The following PSMC2 variants were observed in gnomAD, a reference collection of about 807,000 sequenced individuals.
PSMC2 encodes proteasome 26S subunit, ATPase 2.
Under a neutral mutation model 53.3 loss-of-function variants are expected in PSMC2, and 7 were observed. The observed-to-expected ratio is 0.13, with a 90% CI of 0.07 to 0.25. The LOEUF (loss-of-function observed/expected upper bound fraction) is 0.25, where lower values mean the gene tolerates loss of function less well. Ranked by LOEUF, PSMC2 falls within the 10% of genes least tolerant of loss-of-function variation. The probability of loss-of-function intolerance (pLI) is 1.00; values close to 1 mark genes in which losing one functional copy is unlikely to be tolerated. For missense variants in PSMC2, 241 were observed against 544.0 expected (o/e 0.44, Z 5.54); for synonymous variants, 169 against 183.9 (o/e 0.92, Z 0.66).
chr7:103,352,322 A>G (rs1354968173), intron 1 of PSMC2, among the ~76,000 whole-genome samples: 1 of 149,536 alleles, frequency 6.7e-6, no homozygotes, highest in African/African-American at 2.4e-5. Context: ...TATATTCTAT[A>G]AAGTTGCTGT....
Position 103,368,206 on chromosome 7 carries a change from G to T in PSMC2, c.*152G>T. ...AATATAATAAAAGGTGATTTCTAATGTTATTAGGCAGAAAAGCTTGTTAGA... is the reference window on the plus strand; with the variant it reads ...AATATAATAAAAGGTGATTTCTAATTTTATTAGGCAGAAAAGCTTGTTAGA... On this transcript the variant is annotated 3_prime_UTR_variant, in exon 12 of 12. Transcript: ENST00000292644. The T allele has an allele frequency of 1.4e-6, 1 of 717,372 alleles. No individual in the cohort carries two copies. Among genetic ancestry groups the T allele is most frequent in the Non-Finnish European group, 2.1e-6 (1 of 467,434 alleles). 44.4% of individuals were successfully genotyped at this position (717,372 alleles called of 1,614,324 possible). A position where few individuals can be genotyped will look rare whatever the true frequency, so the allele number is the denominator to read the frequency against.
chr7:103,353,129 C>T (rs1819820099), intron 1 of PSMC2, among the ~76,000 whole-genome samples: 1 of 152,082 alleles, frequency 6.6e-6, no homozygotes, highest in Non-Finnish European at 1.5e-5. Flanking sequence ...CAGATAACCA[C>T]CGTAGAACAC....
chr7:103,360,080 A>G (rs77557888), intron 4 of PSMC2, among the ~76,000 whole-genome samples: 2 of 148,082 alleles, frequency 1.4e-5, no homozygotes, highest in Admixed American at 6.7e-5. Context: ...TTCCGTCTCA[A>G]AAAAAAAAAA....
chr7:103,353,864 T>C, intron 1 of PSMC2, 57 bp from the exon 2 acceptor site: 3 of 1,478,580 alleles, frequency 2.0e-6, no homozygotes, highest in Non-Finnish European at 2.8e-6. Flanking sequence ...GTTTCTTTTT[T>C]AAAAATTTTA....
intron 4 of PSMC2, among the ~76,000 whole-genome samples, 168 bp from the exon 5 acceptor site, chr7:103,361,789 C>T (rs944863250): frequency 6.6e-6 from 1 of 152,126 alleles, no homozygotes; most frequent in African/African-American, 2.4e-5. Context: ...TGGCTAAAGT[C>T]GAATGGACCT....
intron 9 of PSMC2, among the ~76,000 whole-genome samples, chr7:103,366,677 A>G (rs558115978): frequency 2.2e-4 from 33 of 152,364 alleles, no homozygotes; most frequent in African/African-American, 7.9e-4. Flanking sequence ...ATTGAGAAGT[A>G]TCATCTAATG....
At chr7:103,361,219 C>G (rs1240172598) in intron 4 of PSMC2, among the ~76,000 whole-genome samples, 1 of 151,740 alleles carries the variant, frequency 6.6e-6, no homozygotes, top group Non-Finnish European at 1.5e-5. Context: ...TGTGGTGGCT[C>G]ACGCCTGTAA....
intron 4 of PSMC2, among the ~76,000 whole-genome samples, chr7:103,359,138 CTTTTTTTTTTTTTTTTTTTT>C (rs35936603): frequency 9.6e-5 from 3 of 31,332 alleles, no homozygotes; most frequent in South Asian, 3.7e-3. Context: ...CCATGTCTGG[CTTTTTTTTTTTTTTTTTTTT>C]TTTTTTTTTT....
At position 103,368,754 on chromosome 7, in the gene PSMC2, A is replaced by AG. The variant is rs2116283388; in HGVS notation, c.*701dup. The AG allele has an allele frequency of 1.3e-5, 2 of 152,232 alleles. No individual in the cohort carries two copies. Among genetic ancestry groups the AG allele is most frequent in the South Asian group, 4.1e-4 (2 of 4,832 alleles). The allele number at this position is 152,232 out of a possible 1,614,324, so 9.4% of individuals were successfully genotyped here. On this transcript the variant is annotated 3_prime_UTR_variant, in exon 12 of 12. Coordinates refer to ENST00000292644, the MANE Select transcript of PSMC2 (RefSeq NM_002803.4). ...CCAGAAGTGAAAGACTAGTAAAAAA[A>AG]GAAAAAAAAATATTTGTACATATGA...
At chr7:103,363,247 G>C in intron 6 of PSMC2, 97 bp from the exon 7 acceptor site, 7 of 919,352 alleles carry the variant, frequency 7.6e-6, no homozygotes, top group Non-Finnish European at 1.0e-5. Flanking sequence ...TCTCACTTGT[G>C]AGTTTTTCTT....
chr7:103,363,223 A>G lies in PSMC2; in HGVS notation c.496-121A>G, dbSNP rs1820515682. On this transcript the variant is annotated intron_variant, in intron 6 of 11. Coordinates refer to ENST00000292644, the MANE Select transcript of PSMC2 (RefSeq NM_002803.4). ...TCCAGGGCACTGGGCAATGTATTCAATTTTTATTAAAATTCTCACTTGTGA... is the reference window on the plus strand; with the variant it reads ...TCCAGGGCACTGGGCAATGTATTCAGTTTTTATTAAAATTCTCACTTGTGA... 6.6e-6 allele frequency: 5 copies of G among 757,900 alleles called. No individual in the cohort carries two copies. The South Asian group carries it at 9.4e-5, about 14-fold the overall frequency. 46.9% of individuals were successfully genotyped at this position (757,900 alleles called of 1,614,324 possible). A position where few individuals can be genotyped will look rare whatever the true frequency, so the allele number is the denominator to read the frequency against.
chr7:103,351,663 C>G (rs143235806), intron 1 of PSMC2, among the ~76,000 whole-genome samples: 13 of 152,272 alleles, frequency 8.5e-5, no homozygotes, highest in Admixed American at 3.9e-4. Context: ...CAAGAACCAA[C>G]CTTATAAGCA....
At chr7:103,352,922 GA>G (rs1356529380) in intron 1 of PSMC2, 1 of 780,820 alleles carries the variant, frequency 1.3e-6, no homozygotes, top group African/African-American at 1.7e-5. Context: ...ATCTCTGTAT[GA>G]AAGCTGAAAC....
In PSMC2 at chr7:103,347,757, G is replaced by T; in HGVS notation, c.46G>T (p.Glu16Ter). Residue 16 changes from glutamate to a stop codon, truncating the protein, a stop_gained, in exon 1 of 12, where the codon GAG becomes TAG. Coordinates refer to ENST00000292644, the MANE Select transcript of PSMC2 (RefSeq NM_002803.4). LOFTEE classifies it high-confidence loss of function. Reference protein sequence around the residue: ...GADQRKTKEDEKDDKPIRALD... With the variant: ...GADQRKTKED ...CGATCAGCGGAAGACCAAAGAGGAT[G>T]AGAAGGACGACAAGCCCATCCGAGG... 1 of 1,613,916 alleles carries T rather than the reference G, an allele frequency of 6.2e-7. No homozygotes were observed. The highest frequency in any genetic ancestry group is 1.1e-5 in the South Asian group (1 of 91,050).
intron 1 of PSMC2, chr7:103,352,672 G>A: frequency 1.8e-6 from 1 of 564,580 alleles, no homozygotes; most frequent in Non-Finnish European, 3.2e-6. Flanking sequence ...GGGATTACAA[G>A]TGTGAGCCAC....
At chr7:103,364,958 C>CATACATATATAT (rs374432802) in intron 8 of PSMC2, among the ~76,000 whole-genome samples, 1 of 125,502 alleles carries the variant, frequency 8.0e-6, no homozygotes, top group East Asian at 2.5e-4. Context: ...TGTAGACATA[C>CATACATATATAT]ATATATATAT....
At chr7:103,348,718 C>A in intron 1 of PSMC2, 2 of 1,578,202 alleles carry the variant, frequency 1.3e-6, no homozygotes, top group Non-Finnish European at 1.7e-6. Context: ...CAATATGTGC[C>A]GCCAGTGTTT....
At chr7:103,366,216 T>G in intron 9 of PSMC2, 53 bp downstream of exon 9, 1 of 1,449,946 alleles carries the variant, frequency 6.9e-7, no homozygotes, top group Non-Finnish European at 9.7e-7. Flanking sequence ...ATGAAAGCTG[T>G]AAAGTGATAT....
chr7:103,361,851 T>A, intron 4 of PSMC2, 106 bp from the exon 5 acceptor site: 1 of 1,102,112 alleles, frequency 9.1e-7, no homozygotes, highest in African/African-American at 1.6e-5. Context: ...TTTCTGTAGT[T>A]CTAGTTTATA....
Sources: gnomAD v4.1 joint callset for allele counts (sites outside exome capture counted in the v4.1 genomes callset) on GRCh38, gnomAD v4.1.1 for gene constraint, MANE v1.5 for transcripts, NCBI Gene and HGNC (gene_info 2026-07-23, HGNC 2026-07-21) for gene names.